The following ZNF423 variants were observed in gnomAD, a reference collection of about 807,000 sequenced individuals.
ZNF423 encodes Ebf-associated zinc finger protein.
A neutral mutation model predicts 95.8 loss-of-function variants in ZNF423; 12 were observed. That is an observed-to-expected ratio of 0.13 (90% CI 0.08 to 0.20). The LOEUF is 0.20. ZNF423 is among the 10% of genes least tolerant of loss of function. ZNF423 has a pLI of 1.00. For synonymous variants in ZNF423, 749 were observed against 711.9 expected (o/e 1.05, Z -0.83); for missense variants, 1,316 against 1,737.1 (o/e 0.76, Z 4.31).
intron 7 of ZNF423, among the ~76,000 whole-genome samples, chr16:49,493,287 G>A (rs1456766808): frequency 2.6e-5 from 4 of 152,088 alleles, no homozygotes; most frequent in Non-Finnish European, 5.9e-5. Context: ...CTAGGCACAT[G>A]GATCACTTCC....
At chr16:49,800,447 T>C (rs577258965) in intron 1 of ZNF423, among the ~76,000 whole-genome samples, 30 of 152,228 alleles carry the variant, frequency 2.0e-4, no homozygotes, top group East Asian at 1.2e-3. Flanking sequence ...ACCATAGATA[T>C]TGCCAACTGA....
chr16:49,757,961 C>T (rs1297182826), intron 2 of ZNF423, among the ~76,000 whole-genome samples: 1 of 152,148 alleles, frequency 6.6e-6, no homozygotes, highest in East Asian at 1.9e-4. Context: ...TTCAGGACTG[C>T]GGTACCTCCT....
rs1325279852 is a variant in ZNF423 at position 49,855,517 on chromosome 16, G to T, written c.40+218C>A. 2.0e-5 allele frequency among the ~76,000 whole-genome samples: 2 copies of T among 98,176 alleles called. No homozygotes were observed. The highest frequency in any genetic ancestry group is 5.5e-5 in the Non-Finnish European group (2 of 36,648). 64.4% of individuals were successfully genotyped at this position (98,176 alleles called of 152,430 possible). A position where few individuals can be genotyped will look rare whatever the true frequency, so the allele number is the denominator to read the frequency against. On this transcript the variant is annotated intron_variant, in intron 1 of 7. Transcript: ENST00000563137. This position sits in a 1 kb window ranked among gnomAD's most constrained non-coding sequence, Gnocchi z 4.7. ...GTGTCCGCGGCGTACCCCCTCCGCC[G>T]CCGCCGCCGCCGCCGCCGCCTCCGC...
At position 49,637,703 on chromosome 16, in the gene ZNF423, G is replaced by A. The variant is rs1295876399; in HGVS notation, c.1473C>T (p.Asn491=). 2 of 1,614,064 alleles carry A rather than the reference G, an allele frequency of 1.2e-6. No individual in the cohort carries two copies. Among genetic ancestry groups the A allele is most frequent in the African/African-American group, 2.7e-5 (2 of 74,938 alleles). ...QFGNISAFHC[N]YCPEMFADIN... is the part of the protein sequence containing the mutation. ...TGTCGGCGAACATCTCGGGGCAGTA[G>A]TTGCAGTGGAAGGCAGAGATGTTGC... The change falls in exon 4 of 8, where the codon AAC becomes AAT. Residue 491 remains asparagine (N), a synonymous_variant. Transcript: ENST00000563137. This position sits in a 1 kb window ranked among gnomAD's most constrained non-coding sequence, Gnocchi z 5.6.
intron 4 of ZNF423, 28 bp from the exon 5 acceptor site, chr16:49,626,282 T>A: frequency 6.2e-7 from 1 of 1,610,030 alleles, no homozygotes; most frequent in Non-Finnish European, 8.5e-7. Context: ...ATAAAAGATT[T>A]AGAGAGGCAG....
intron 5 of ZNF423, among the ~76,000 whole-genome samples, chr16:49,584,670 G>T (rs575366643): frequency 6.6e-6 from 1 of 152,074 alleles, no homozygotes; most frequent in Admixed American, 6.5e-5. Context: ...CCACCCCCTC[G>T]CTGTGTCCTC....
intron 7 of ZNF423, chr16:49,518,599 A>G: frequency 2.4e-6 from 1 of 420,176 alleles, no homozygotes; most frequent in Admixed American, 3.1e-5. Context: ...AAAAAAAAAA[A>G]GTCTCCCCTA....
chr16:49,734,813 C>T (rs1054144806), intron 2 of ZNF423, among the ~76,000 whole-genome samples: 2 of 152,196 alleles, frequency 1.3e-5, no homozygotes, highest in African/African-American at 4.8e-5. Flanking sequence ...CATCCTTTTG[C>T]CCAGGCATGC....
At chr16:49,846,599 A>T (rs1031517277) in intron 1 of ZNF423, among the ~76,000 whole-genome samples, 1 of 152,154 alleles carries the variant, frequency 6.6e-6, no homozygotes, top group Admixed American at 6.5e-5. Flanking sequence ...GAACCCGTGC[A>T]CTGCTTGCTG....
At chr16:49,749,202 G>T (rs1475530854) in intron 2 of ZNF423, among the ~76,000 whole-genome samples, 1 of 152,132 alleles carries the variant, frequency 6.6e-6, no homozygotes, top group African/African-American at 2.4e-5. Flanking sequence ...CCTGGGCTAT[G>T]CCAGGAGCAG....
intron 5 of ZNF423, 68 bp downstream of exon 5, chr16:49,626,102 G>T: frequency 1.3e-6 from 2 of 1,497,396 alleles, no homozygotes; most frequent in South Asian, 1.1e-5. Context: ...GTAAAATGAT[G>T]ATTGGAACCG....
At chr16:49,812,388 T>C (rs781245372) in intron 1 of ZNF423, among the ~76,000 whole-genome samples, 2 of 152,148 alleles carry the variant, frequency 1.3e-5, no homozygotes, top group African/African-American at 2.4e-5. Flanking sequence ...TAGTCAACGC[T>C]ACTGATAAAG....
chr16:49,615,130 T>TCACACACACACACACACACACACA lies in ZNF423; in HGVS notation c.3601+11016_3601+11039dup, dbSNP rs61428028. On this transcript the variant is annotated intron_variant, in intron 5 of 7. Coordinates refer to ENST00000563137, the MANE Select transcript of ZNF423 (RefSeq NM_001379286.1). The stretch of plus-strand genomic sequence containing the variant: ...TGGGCAACAAGAAAGAAACTCCATC[T>TCACACACACACACACACACACACA]CACACACACACACACACACACACAC... 3.8e-4 allele frequency among the ~76,000 whole-genome samples: 54 copies of TCACACACACACACACACACACACA among 141,248 alleles called. 1 individual carries two copies. The highest frequency in any genetic ancestry group is 1.4e-3 in the African/African-American group (52 of 36,784). 92.7% of individuals were successfully genotyped at this position (141,248 alleles called of 152,430 possible). A position where few individuals can be genotyped will look rare whatever the true frequency, so the allele number is the denominator to read the frequency against.
At chr16:49,508,870 C>G (rs1237517804) in intron 7 of ZNF423, among the ~76,000 whole-genome samples, 2 of 152,208 alleles carry the variant, frequency 1.3e-5, no homozygotes, top group Non-Finnish European at 2.9e-5. Flanking sequence ...GCATAAGATG[C>G]TCCAGTATTT....
chr16:49,854,061 C>A, intron 1 of ZNF423: 13 of 985,374 alleles, frequency 1.3e-5, no homozygotes, highest in Non-Finnish European at 1.6e-5. Flanking sequence ...TACAGCCCTT[C>A]CATCAGCAAA....
chr16:49,834,553 C>T (rs145379400), intron 1 of ZNF423, among the ~76,000 whole-genome samples: 401 of 152,068 alleles, frequency 2.6e-3, no homozygotes, highest in African/African-American at 7.7e-3. Flanking sequence ...CTGGGAAGCA[C>T]GCTCGCCAAG....
intron 3 of ZNF423, among the ~76,000 whole-genome samples, chr16:49,710,068 T>C (rs1034486241): frequency 6.6e-6 from 1 of 152,204 alleles, no homozygotes; most frequent in African/African-American, 2.4e-5. Flanking sequence ...ACATGCCACA[T>C]GTAGAACAGT....
At chr16:49,712,200 G>A (rs1004703925) in intron 3 of ZNF423, among the ~76,000 whole-genome samples, 1 of 152,152 alleles carries the variant, frequency 6.6e-6, no homozygotes, top group Non-Finnish European at 1.5e-5. Flanking sequence ...AAAATAATGA[G>A]GGAAGGCCTT....
rs1972729082 is a variant in ZNF423 at position 49,636,660 on chromosome 16, C to G, written c.2516G>C (p.Cys839Ser). 7.4e-6 allele frequency: 12 copies of G among 1,614,110 alleles called. No individual in the cohort carries two copies. Among genetic ancestry groups the G allele is most frequent in the Non-Finnish European group, 1.0e-5 (12 of 1,180,016 alleles). Residue 839 changes from cysteine (C) to serine (S), a missense_variant, in exon 4 of 8, where the codon TGT becomes TCT. Coordinates refer to ENST00000563137, the MANE Select transcript of ZNF423 (RefSeq NM_001379286.1). This position sits in a 1 kb window ranked among gnomAD's most constrained non-coding sequence, Gnocchi z 8.6. ...GTTCTCGGTCGCAGCATCAAACACA[C>G]AGTGCTTCTCCCGCAGGTGCTTCTC... is the stretch of plus-strand genomic sequence containing the variant. ...LLEKHLREKH[C>S]VFDAATENGT...
Sources: allele counts gnomAD v4.1 joint callset (sites outside exome capture counted in the v4.1 genomes callset), GRCh38; gene constraint gnomAD v4.1.1; non-coding constraint Gnocchi (gnomAD v3.1); transcripts MANE v1.5; gene names NCBI Gene and HGNC (gene_info 2026-07-23, HGNC 2026-07-21).